PARD3B: variants seen among roughly 807,000 people sequenced by gnomAD.
The protein encoded by PARD3B is partitioning defective 3 homolog B.
A neutral mutation model predicts 130.2 loss-of-function variants in PARD3B; 103 were observed. That is an observed-to-expected ratio of 0.79 (90% CI 0.67 to 0.93). PARD3B has a LOEUF of 0.93. Among genes scored for constraint, PARD3B ranks in the 40% least tolerant of loss-of-function variants. The pLI is 0.00. For missense variants in PARD3B, 1,609 were observed against 1,499.2 expected, an observed-to-expected ratio of 1.07 and a Z score of -1.21; for synonymous variants, 583 against 553.2, an observed-to-expected ratio of 1.05 and a Z score of -0.76.
intron 2 of PARD3B, among the ~76,000 whole-genome samples, chr2:204,761,362 C>T (rs1195500322): frequency 1.3e-5 from 2 of 152,090 alleles, no homozygotes; most frequent in Non-Finnish European, 2.9e-5. Flanking sequence ...ATTCAGTTTC[C>T]TTGCTGAAAG....
chr2:205,066,704 A>G (rs553814095), intron 4 of PARD3B, among the ~76,000 whole-genome samples: 26 of 152,260 alleles, frequency 1.7e-4, no homozygotes, highest in African/African-American at 6.0e-4. Context: ...TTAATTCTCA[A>G]TCTGTGAATT....
intron 10 of PARD3B, among the ~76,000 whole-genome samples, chr2:205,152,563 G>GC (rs1340446316): frequency 6.6e-6 from 1 of 152,140 alleles, no homozygotes; most frequent in Admixed American, 6.5e-5. Context: ...TGAAGCTTGT[G>GC]CATGTGTCAC....
At chr2:204,557,822 T>G (rs2031027739) in intron 1 of PARD3B, among the ~76,000 whole-genome samples, 1 of 152,222 alleles carries the variant, frequency 6.6e-6, no homozygotes, top group Non-Finnish European at 1.5e-5. Context: ...ACAGGTTGAC[T>G]TGCTTCTTAG....
intron 3 of PARD3B, among the ~76,000 whole-genome samples, chr2:204,974,924 A>G (rs1208887473): frequency 6.6e-6 from 1 of 152,242 alleles, no homozygotes; most frequent in Non-Finnish European, 1.5e-5. Context: ...GGAATATAAA[A>G]TAATACACAT....
At chr2:205,552,038 C>T (rs947820418) in intron 21 of PARD3B, among the ~76,000 whole-genome samples, 5 of 152,162 alleles carry the variant, frequency 3.3e-5, no homozygotes, top group African/African-American at 4.8e-5. Context: ...ATACGTGTTA[C>T]GTGTTCATCC....
chr2:205,203,613 C>A (rs891555717), intron 15 of PARD3B, among the ~76,000 whole-genome samples: 9 of 152,082 alleles, frequency 5.9e-5, no homozygotes, highest in African/African-American at 2.2e-4. Context: ...TGCTCCCACC[C>A]CCCAACAGGC....
Position 205,453,948 on chromosome 2 carries a change from C to T in PARD3B, c.3044+13276C>T, listed in dbSNP as rs183267422. Among the ~76,000 whole-genome samples the T allele has an allele frequency of 6.8e-4, 104 of 152,262 alleles. 1 individual carries two copies. Among genetic ancestry groups the T allele is most frequent in the Non-Finnish European group, 1.1e-3 (78 of 68,004 alleles). On this transcript the variant is annotated intron_variant, in intron 20 of 22. Transcript: ENST00000406610. Reference sequence around the variant, plus strand: ...CTACTAAGCATGTGCAAATAGCATGCATGCTGCTGCTGACCTGCCAGATAT... The same window carrying T: ...CTACTAAGCATGTGCAAATAGCATGTATGCTGCTGCTGACCTGCCAGATAT...
In PARD3B at chr2:204,972,286, T is replaced by G. The variant is rs560429064; in HGVS notation, c.394+6963T>G. 3.9e-5 allele frequency among the ~76,000 whole-genome samples: 6 copies of G among 152,186 alleles called. No homozygotes were observed. In the South Asian group the frequency reaches 8.3e-4, roughly 21 times the overall value. On this transcript the variant is annotated intron_variant, in intron 3 of 22. Transcript: ENST00000406610. ...ATCACTTCCTACCATTTTGTTAAAA[T>G]AAAATGATGAAGTTTGCTTGAGAAC...
intron 16 of PARD3B, among the ~76,000 whole-genome samples, chr2:205,295,681 G>C (rs1297682508): frequency 6.6e-6 from 1 of 152,080 alleles, no homozygotes; most frequent in Non-Finnish European, 1.5e-5. Flanking sequence ...CCAATTACTG[G>C]TCTTCTGGAT....
chr2:205,540,452 G>A (rs1180226121), intron 21 of PARD3B, among the ~76,000 whole-genome samples: 2 of 151,962 alleles, frequency 1.3e-5, no homozygotes, highest in Non-Finnish European at 2.9e-5. Context: ...TTCATTTTAT[G>A]TATTTTTCTC....
intron 13 of PARD3B, among the ~76,000 whole-genome samples, chr2:205,182,019 G>A (rs1331180732): frequency 6.6e-6 from 1 of 152,210 alleles, no homozygotes; most frequent in Admixed American, 6.5e-5. Context: ...GGGGCCGGGT[G>A]TGGTGGCTTA....
intron 18 of PARD3B, among the ~76,000 whole-genome samples, chr2:205,328,372 G>C (rs2105761740): frequency 6.6e-6 from 1 of 152,214 alleles, no homozygotes; most frequent in South Asian, 2.1e-4. Context: ...AGTTGTATTA[G>C]ACCTTGATTC....
At chr2:205,434,862 A>G (rs1463781888) in intron 19 of PARD3B, among the ~76,000 whole-genome samples, 1 of 134,880 alleles carries the variant, frequency 7.4e-6, no homozygotes, top group East Asian at 2.6e-4. Context: ...TACAACTTGT[A>G]GTTGTTAGGA....
chr2:204,695,120 C>T (rs548108505), intron 2 of PARD3B, among the ~76,000 whole-genome samples: 2 of 152,066 alleles, frequency 1.3e-5, no homozygotes, highest in Admixed American at 1.3e-4. Flanking sequence ...AGTCAATGAA[C>T]ACTTTCATCT....
chr2:205,450,009 A>T (rs2048042765), intron 20 of PARD3B, among the ~76,000 whole-genome samples: 1 of 152,204 alleles, frequency 6.6e-6, no homozygotes, highest in Non-Finnish European at 1.5e-5. Flanking sequence ...TTATCTTTCC[A>T]GGGCCTTGGT....
chr2:204,806,578 G>A (rs1449145875), intron 2 of PARD3B, among the ~76,000 whole-genome samples: 3 of 152,130 alleles, frequency 2.0e-5, no homozygotes, highest in Non-Finnish European at 4.4e-5. Flanking sequence ...TCAGAACGTT[G>A]TTCTGGGCAA....
At chr2:204,695,910 G>T in intron 2 of PARD3B, among the ~76,000 whole-genome samples, 1 of 151,954 alleles carries the variant, frequency 6.6e-6, no homozygotes, top group East Asian at 1.9e-4. Context: ...AACAAAAATT[G>T]CATTTTTCTT....
chr2:204,937,092 G>T (rs962672968), intron 2 of PARD3B, among the ~76,000 whole-genome samples: 1 of 152,068 alleles, frequency 6.6e-6, no homozygotes, highest in East Asian at 1.9e-4. Context: ...AGAGCTCTTT[G>T]GGGGGTCCCA....
intron 18 of PARD3B, among the ~76,000 whole-genome samples, chr2:205,330,560 G>A (rs1447793585): frequency 6.6e-6 from 1 of 152,096 alleles, no homozygotes; most frequent in Non-Finnish European, 1.5e-5. Context: ...GTTTTCATTG[G>A]TTTATTTTCA....
Sources: gnomAD v4.1 joint callset for allele counts (sites outside exome capture counted in the v4.1 genomes callset) on GRCh38, gnomAD v4.1.1 for gene constraint, MANE v1.5 for transcripts, NCBI Gene and HGNC (gene_info 2026-07-23, HGNC 2026-07-21) for gene names.